BRD4: variants seen among roughly 807,000 people sequenced by gnomAD.
BRD4 encodes the protein bromodomain-containing protein 4.
In BRD4, 16 loss-of-function variants were observed where a neutral mutation model predicts 142.1. The ratio of observed to expected loss-of-function variants is 0.11; its 90% CI spans 0.08 to 0.17. BRD4 has a LOEUF of 0.17. BRD4 is among the 10% of genes least tolerant of loss of function. The probability of loss-of-function intolerance (pLI) is 1.00; values close to 1 mark genes in which losing one functional copy is unlikely to be tolerated. For synonymous variants in BRD4, 833 were observed against 707.5 expected, an observed-to-expected ratio of 1.18 and a Z score of -2.82; for missense variants, 1,424 against 1,810.9, an observed-to-expected ratio of 0.79 and a Z score of 3.88.
At chr19:15,330,428 A>C (rs1291376369) in intron 1 of BRD4, among the ~76,000 whole-genome samples, 1 of 152,198 alleles carries the variant, frequency 6.6e-6, no homozygotes, top group African/African-American at 2.4e-5. Context: ...AAAAAGATAA[A>C]AAACATAATC....
intron 1 of BRD4, among the ~76,000 whole-genome samples, chr19:15,310,969 C>T (rs567273415): frequency 2.6e-5 from 4 of 152,190 alleles, no homozygotes; most frequent in Non-Finnish European, 4.4e-5. Context: ...TCCGCACCCA[C>T]GTTCTTAGTT....
intron 1 of BRD4, among the ~76,000 whole-genome samples, chr19:15,309,336 T>TC (rs1202815595): frequency 1.7e-4 from 10 of 58,932 alleles, no homozygotes; most frequent in African/African-American, 7.1e-4. Context: ...AGACTCCACC[T>TC]CCAAAAAAAA....
At chr19:15,325,284 G>A (rs1279407973) in intron 1 of BRD4, among the ~76,000 whole-genome samples, 1 of 152,180 alleles carries the variant, frequency 6.6e-6, no homozygotes, top group Non-Finnish European at 1.5e-5. Context: ...GCCTGAATGT[G>A]CCGTACTGGT....
intron 1 of BRD4, among the ~76,000 whole-genome samples, chr19:15,330,264 G>A (rs2048145590): frequency 1.3e-5 from 2 of 152,148 alleles, no homozygotes; most frequent in South Asian, 2.1e-4. Flanking sequence ...CAAAGAAAGA[G>A]GTATGGTGGA....
intron 1 of BRD4, among the ~76,000 whole-genome samples, chr19:15,297,819 G>A (rs1353284959): frequency 6.6e-6 from 1 of 152,214 alleles, no homozygotes; most frequent in Admixed American, 6.5e-5. Flanking sequence ...AATTGCAGGT[G>A]AAATGGTAAT....
intron 1 of BRD4, among the ~76,000 whole-genome samples, chr19:15,305,983 A>G (rs2047910379): frequency 6.6e-6 from 1 of 152,238 alleles, no homozygotes; most frequent in Non-Finnish European, 1.5e-5. Context: ...TGCTGGCTTC[A>G]AACTTTTCTT....
intron 1 of BRD4, among the ~76,000 whole-genome samples, chr19:15,306,734 G>C (rs1419670129): frequency 6.6e-6 from 1 of 152,182 alleles, no homozygotes; most frequent in Admixed American, 6.5e-5. Flanking sequence ...ATAGTCAGTA[G>C]CTGGAGCAGT....
intron 1 of BRD4, among the ~76,000 whole-genome samples, chr19:15,315,778 C>T (rs2048012083): frequency 6.6e-6 from 1 of 151,244 alleles, no homozygotes; most frequent in African/African-American, 2.4e-5. Flanking sequence ...ATCACTTGAA[C>T]CCGGGAGGTG....
intron 1 of BRD4, among the ~76,000 whole-genome samples, chr19:15,275,506 GCA>G (rs952339351): frequency 3.3e-5 from 5 of 152,092 alleles, no homozygotes; most frequent in Non-Finnish European, 7.4e-5. Flanking sequence ...TTAGTGAGCT[GCA>G]CACACACACA....
At chr19:15,296,379 C>A (rs1026161485) in intron 1 of BRD4, among the ~76,000 whole-genome samples, 1 of 152,238 alleles carries the variant, frequency 6.6e-6, no homozygotes, top group South Asian at 2.1e-4. Flanking sequence ...ATCTACCACA[C>A]TGTAATGCTG....
chr19:15,269,184 G>C (rs991421861), intron 2 of BRD4, 142 bp from the exon 3 acceptor site: 1 of 885,456 alleles, frequency 1.1e-6, no homozygotes, highest in Non-Finnish European at 1.7e-6. Context: ...ACTGGCATCA[G>C]CAAGTGATCT....
chr19:15,314,912 G>A (rs2048003371), intron 1 of BRD4, among the ~76,000 whole-genome samples: 1 of 152,192 alleles, frequency 6.6e-6, no homozygotes, highest in Admixed American at 6.5e-5. Flanking sequence ...GGAGTTTGGG[G>A]GGATGTCTGG....
At position 15,255,303 on chromosome 19, in the gene BRD4, G is replaced by T. The variant is rs376313107; in HGVS notation, c.2041C>A (p.Pro681Thr). 6.2e-7 allele frequency: 1 copy of T among 1,612,312 alleles called. No individual in the cohort carries two copies. ...VTSCLRKKRK[P>T]QAEKVDVIAG... is the part of the protein sequence containing the mutation. ...CCAGGGGGCCCAAGCACACCTTGAG[G>T]TTTCCTTTTCTTCCGCAAACAGGAG... The change falls in exon 10 of 20, where the codon CCT becomes ACT. Residue 681 changes from proline to threonine, a missense_variant. By Grantham distance (38) the Pro-to-Thr change is conservative (BLOSUM62 -1). Around this residue, in one of 16 missense-constraint regions of BRD4, gnomAD observed 46 missense variants for 110.4 expected, o/e 0.42. Transcript: ENST00000679869.
At chr19:15,331,628 G>C (rs1379534256) in intron 1 of BRD4, among the ~76,000 whole-genome samples, 1 of 152,124 alleles carries the variant, frequency 6.6e-6, no homozygotes, top group African/African-American at 2.4e-5. Flanking sequence ...CAGGGGACCT[G>C]CCCCTTTCTC....
rs200423808 is a variant in BRD4, at chr19:15,243,342, G to T, written c.2727C>A (p.Pro909=). 5 of 1,474,202 alleles carry T rather than the reference G, an allele frequency of 3.4e-6. No homozygotes were observed. In the South Asian group the frequency reaches 4.1e-5, roughly 12 times the overall value. The allele number at this position is 1,474,202 out of a possible 1,614,324, so 91.3% of individuals were successfully genotyped here. Reference sequence around the variant, plus strand: ...GCTCTTCATCCTCCAGCAGCACTTGGGGGGGTTGGGCCATGGGGGGCTGTG... The same window carrying T: ...GCTCTTCATCCTCCAGCAGCACTTGTGGGGGTTGGGCCATGGGGGGCTGTG... ...LLPQPPMAQP[P]QVLLEDEEPP... The change falls in exon 14 of 20, where the codon CCC becomes CCA. Residue 909 remains proline, a synonymous_variant. Transcript: ENST00000679869.
At chr19:15,274,722 T>C (rs909325173) in intron 1 of BRD4, among the ~76,000 whole-genome samples, 6 of 152,236 alleles carry the variant, frequency 3.9e-5, no homozygotes, top group African/African-American at 1.4e-4. Context: ...CTAGAACTTC[T>C]GGGCTGGGCC....
At chr19:15,288,980 TA>T in intron 1 of BRD4, among the ~76,000 whole-genome samples, 1 of 152,232 alleles carries the variant, frequency 6.6e-6, no homozygotes, top group South Asian at 2.1e-4. Flanking sequence ...ACATGAGAGT[TA>T]AACAAAGTCA....
intron 7 of BRD4, among the ~76,000 whole-genome samples, chr19:15,259,544 T>A (rs1230897557): frequency 6.6e-6 from 1 of 152,152 alleles, no homozygotes; most frequent in Non-Finnish European, 1.5e-5. Flanking sequence ...AAACTAACAT[T>A]GGTGGGACTG....
chr19:15,280,631 A>T (rs2047696563), intron 1 of BRD4, among the ~76,000 whole-genome samples: 1 of 152,196 alleles, frequency 6.6e-6, no homozygotes, highest in South Asian at 2.1e-4. Flanking sequence ...CCAAGCAGTA[A>T]GATGCCTGAG....
Sources: gnomAD v4.1 joint callset for allele counts (sites outside exome capture counted in the v4.1 genomes callset) on GRCh38, gnomAD v4.1.1 for gene constraint, gnomAD v4.1.1 regional missense constraint, MANE v1.5 for transcripts, NCBI Gene and HGNC (gene_info 2026-07-23, HGNC 2026-07-21) for gene names.